The following RP1 variants were observed in gnomAD, a reference collection of about 807,000 sequenced individuals.
RP1 encodes the protein RP1 axonemal microtubule associated.
In RP1, 16 loss-of-function variants were observed where a neutral mutation model predicts 14.8. The ratio of observed to expected loss-of-function variants is 1.08; its 90% CI spans 0.73 to 1.65. The LOEUF is 1.65. RP1 is among the 40% of genes most tolerant of loss of function. The probability of loss-of-function intolerance (pLI) is 0.00; values close to 1 mark genes in which losing one functional copy is unlikely to be tolerated. For missense variants in RP1, 2,631 were observed against 2,535.0 expected, an observed-to-expected ratio of 1.04 and a Z score of -0.81; for synonymous variants, 876 against 883.6, an observed-to-expected ratio of 0.99 and a Z score of 0.15.
chr8:54,731,682 A>C (rs1431447415), intron 17 of RP1, among the ~76,000 whole-genome samples: 2 of 152,190 alleles, frequency 1.3e-5, no homozygotes, highest in African/African-American at 4.8e-5. Context: ...ATGTTAATGC[A>C]GGAATAAGGG....
At chr8:54,795,792 G>A (rs957339903) in intron 24 of RP1, among the ~76,000 whole-genome samples, 2 of 151,842 alleles carry the variant, frequency 1.3e-5, no homozygotes, top group African/African-American at 2.4e-5. Flanking sequence ...TTTTTCTTGC[G>A]TTTTCAGGAT....
rs573624992 is a variant in RP1 at position 54,856,224 on chromosome 8, T to C, written c.3991-804T>C. ...AATGCACTGTAGGATTCTGTTGATA[T>C]ATGGTCCCAGACAAGGCAAAACAAA... On this transcript the variant is annotated intron_variant, in intron 26 of 28. Transcript: ENST00000637698. Among the ~76,000 whole-genome samples the C allele has an allele frequency of 7.2e-5, 11 of 152,294 alleles. No homozygotes were observed. In the East Asian group the frequency reaches 2.1e-3, roughly 29 times the overall value.
exon 26 of RP1, chr8:54,852,636 G>A: frequency 8.1e-7 from 1 of 1,231,900 alleles, no homozygotes; most frequent in Non-Finnish European, 1.0e-6. Flanking sequence ...AGAGTCTAAT[G>A]TATTTATCAA....
In RP1 at chr8:54,698,977, T is replaced by C. The variant is rs1009562734; in HGVS notation, c.1718-490T>C. On this transcript the variant is annotated intron_variant, in intron 12 of 22. Coordinates refer to the RP1 transcript ENST00000636932. ...GGGTGCAGCAAACCAACATGGCACA[T>C]GTATACCTATATTAGAAACCTGCAC... Among the ~76,000 whole-genome samples, 3 of 152,158 alleles carry C rather than the reference T, an allele frequency of 2.0e-5. No individual in the cohort carries two copies. The East Asian group carries it at 5.8e-4, about 29-fold the overall frequency.
chr8:54,568,071 A>G (rs1804444381), intron 1 of RP1, among the ~76,000 whole-genome samples: 1 of 152,198 alleles, frequency 6.6e-6, no homozygotes, highest in African/African-American at 2.4e-5. Context: ...TACCATTCCC[A>G]TGGTCACCTT....
At chr8:54,573,537 A>G (rs1289422574) in intron 1 of RP1, among the ~76,000 whole-genome samples, 1 of 152,222 alleles carries the variant, frequency 6.6e-6, no homozygotes, top group Non-Finnish European at 1.5e-5. Context: ...TCAATACGGT[A>G]GCTTTTCCCT....
Position 54,754,938 on chromosome 8 carries a change from G to A in RP1, c.2941+3G>A, listed in dbSNP as rs984759717. On this transcript the variant is annotated splice_donor_region_variant and intron_variant, in intron 20 of 22. Coordinates refer to the RP1 transcript ENST00000636932. The stretch of plus-strand genomic sequence containing the variant: ...AGGAGGACAAGCTATTTTTCCATGT[G>A]TGTTTTTAATCTTCAGTAGCATCTA... 8.6e-6 allele frequency: 13 copies of A among 1,518,530 alleles called. No homozygotes were observed. In the South Asian group the frequency reaches 1.5e-4, roughly 18 times the overall value. The allele number at this position is 1,518,530 out of a possible 1,614,324, so 94.1% of individuals were successfully genotyped here.
intron 24 of RP1, among the ~76,000 whole-genome samples, chr8:54,827,861 G>T (rs1255307303): frequency 6.6e-6 from 1 of 151,802 alleles, no homozygotes; most frequent in Non-Finnish European, 1.5e-5. Flanking sequence ...TCACACCACT[G>T]CACTCCAGCT....
At chr8:54,711,189 T>C (rs1311115084) in intron 15 of RP1, among the ~76,000 whole-genome samples, 4 of 152,122 alleles carry the variant, frequency 2.6e-5, no homozygotes, top group Admixed American at 6.5e-5. Flanking sequence ...TTTGTAAAAA[T>C]CTTTAGCTTA....
chr8:54,759,004 A>G, exon 22 of RP1: 1 of 1,535,946 alleles, frequency 6.5e-7, no homozygotes, highest in Non-Finnish European at 8.7e-7. Flanking sequence ...GACAAATCAC[A>G]GTACTGGTAC....
chr8:54,790,564 C>CA (rs34553015), intron 24 of RP1, among the ~76,000 whole-genome samples: 67,465 of 135,542 alleles, frequency 0.5, 16,502 homozygotes, highest in African/African-American at 0.66. Flanking sequence ...CAGTGAACTT[C>CA]AAAAAAAAAA....
intron 21 of RP1, among the ~76,000 whole-genome samples, chr8:54,758,075 C>A (rs1039400362): frequency 6.6e-6 from 1 of 152,124 alleles, no homozygotes; most frequent in African/African-American, 2.4e-5. Flanking sequence ...AGACAGCTCT[C>A]CACATAGGCA....
chr8:54,698,567 T>C (rs999432059), intron 12 of RP1, among the ~76,000 whole-genome samples: 2 of 152,232 alleles, frequency 1.3e-5, no homozygotes, highest in African/African-American at 4.8e-5. Context: ...TAAATCATTC[T>C]GCTATAAAGA....
At chr8:54,574,809 C>T (rs750710641) in intron 1 of RP1, among the ~76,000 whole-genome samples, 13 of 152,072 alleles carry the variant, frequency 8.5e-5, no homozygotes, top group Non-Finnish European at 1.2e-4. Flanking sequence ...GTTGGGTTAC[C>T]TAGGAACGAA....
chr8:54,769,607 G>A (rs1022335516), intron 22 of RP1: 26 of 640,754 alleles, frequency 4.1e-5, no homozygotes, highest in Admixed American at 2.9e-5. Flanking sequence ...TATATAAAAA[G>A]CAACTTTATA....
chr8:54,853,518 C>T (rs1035387287), intron 26 of RP1, among the ~76,000 whole-genome samples: 4 of 152,120 alleles, frequency 2.6e-5, no homozygotes, highest in East Asian at 1.9e-4. Context: ...GTCTTATGGC[C>T]GTGCACAGAT....
chr8:54,642,937 C>T (rs1563336704), intron 3 of RP1, among the ~76,000 whole-genome samples: 2 of 151,888 alleles, frequency 1.3e-5, no homozygotes, highest in Non-Finnish European at 2.9e-5. Flanking sequence ...TTTTGATTTG[C>T]CTTTCTTCAG....
intron 1 of RP1, among the ~76,000 whole-genome samples, chr8:54,569,155 T>C (rs1469808440): frequency 6.6e-6 from 1 of 152,188 alleles, no homozygotes; most frequent in Non-Finnish European, 1.5e-5. Flanking sequence ...TAAGTAATTA[T>C]AGGAAGATTA....
chr8:54,741,714 T>TAC (rs1809099646), intron 19 of RP1, among the ~76,000 whole-genome samples: 1 of 110,320 alleles, frequency 9.1e-6, no homozygotes, highest in Non-Finnish European at 1.8e-5. Flanking sequence ...TGTGTATATA[T>TAC]ATATATATAT....
Sources: gnomAD v4.1 joint callset for allele counts (sites outside exome capture counted in the v4.1 genomes callset) on GRCh38, gnomAD v4.1.1 for gene constraint, MANE v1.5 for transcripts, NCBI Gene and HGNC (gene_info 2026-07-23, HGNC 2026-07-21) for gene names.